Variants in SS18L1 observed in about 807,000 individuals in gnomAD.
The protein encoded by SS18L1 is SS18L1 subunit of BAF chromatin remodeling complex, also known as calcium-responsive transactivator.
Under a neutral mutation model 70.3 loss-of-function variants are expected in SS18L1, and 32 were observed. That is an observed-to-expected ratio of 0.46 (90% CI 0.34 to 0.61). The LOEUF is 0.61. Among genes scored for constraint, SS18L1 ranks in the 20% least tolerant of loss-of-function variants. The pLI, the probability that SS18L1 is intolerant of heterozygous loss-of-function variation, is 0.01. For missense variants in SS18L1, 430 were observed against 542.1 expected (o/e 0.79, Z 2.05); for synonymous variants, 237 against 229.7 (o/e 1.03, Z -0.29).
intron 1 of SS18L1, among the ~76,000 whole-genome samples, chr20:62,152,469 G>A (rs6062088): frequency 0.87 from 132,526 of 152,230 alleles, 57,718 homozygotes; most frequent in African/African-American, 0.91. Flanking sequence ...TTTCCCGGTG[G>A]CGTCTCTGGC....
intron 8 of SS18L1, among the ~76,000 whole-genome samples, chr20:62,168,135 C>G (rs968172201): frequency 6.6e-6 from 1 of 151,854 alleles, no homozygotes; most frequent in African/African-American, 2.4e-5. Context: ...ATAGGTACTT[C>G]CGTAGCTTGT....
chr20:62,179,253 C>A lies in SS18L1; in HGVS notation c.*45C>A, dbSNP rs758189686. On this transcript the variant is annotated 3_prime_UTR_variant, in exon 11 of 11. Transcript: ENST00000331758. ...GAGCCCTTGTGGTAGCGTGTTCATC[C>A]AGGGGCCGGATGGGCTGGCGGCAGC... The A allele has an allele frequency of 3.1e-6, 5 of 1,612,608 alleles. No homozygotes were observed. The South Asian group carries it at 5.5e-5, about 18-fold the overall frequency.
intron 8 of SS18L1, among the ~76,000 whole-genome samples, chr20:62,169,103 G>A (rs879735844): frequency 4.6e-5 from 7 of 152,222 alleles, no homozygotes; most frequent in Admixed American, 1.3e-4. Context: ...CCGCGTTCGC[G>A]TCACAGTGAG....
Position 62,159,326 on chromosome 20 carries a change from C to G in SS18L1, c.147-551C>G, listed in dbSNP as rs2057282942. On this transcript the variant is annotated intron_variant, in intron 2 of 10. Coordinates refer to ENST00000331758, the MANE Select transcript of SS18L1 (RefSeq NM_198935.3). This position sits in a 1 kb window ranked among gnomAD's most constrained non-coding sequence, Gnocchi z 4.4. Reference sequence around the variant, plus strand: ...CTGTCCAAGTGGCCGTCAGACTGACCTGGAGGTGGGAAGTGCGTGAATGGC... The same window carrying G: ...CTGTCCAAGTGGCCGTCAGACTGACGTGGAGGTGGGAAGTGCGTGAATGGC... 6.6e-6 allele frequency among the ~76,000 whole-genome samples: 1 copy of G among 152,222 alleles called. No homozygotes were observed. Among genetic ancestry groups the G allele is most frequent in the African/African-American group, 2.4e-5 (1 of 41,464 alleles).
intron 1 of SS18L1, among the ~76,000 whole-genome samples, chr20:62,144,346 C>T (rs765816418): frequency 1.3e-5 from 2 of 152,208 alleles, no homozygotes; most frequent in Admixed American, 1.3e-4. Context: ...TCGTTTTCTG[C>T]GCTCATTTTG....
Position 62,176,538 on chromosome 20 carries a change from G to A in SS18L1, c.1164+1894G>A, listed in dbSNP as rs1292605178. ...TTAAAAAAAGGAAAAAGAAAGGCCAGGCGTGGGGGCTTACACCTGTAATTC... is the reference window on the plus strand; with the variant it reads ...TTAAAAAAAGGAAAAAGAAAGGCCAAGCGTGGGGGCTTACACCTGTAATTC... On this transcript the variant is annotated intron_variant, in intron 10 of 10. Transcript: ENST00000331758. Among the ~76,000 whole-genome samples, 5 of 152,132 alleles carry A rather than the reference G, an allele frequency of 3.3e-5. No homozygotes were observed. In the East Asian group the frequency reaches 9.6e-4, roughly 29 times the overall value.
At chr20:62,157,501 C>T (rs944934130) in intron 1 of SS18L1, among the ~76,000 whole-genome samples, 5 of 152,220 alleles carry the variant, frequency 3.3e-5, no homozygotes, top group Non-Finnish European at 5.9e-5. Flanking sequence ...GCAGACCGTG[C>T]TTGGCGGAGT....
At chr20:62,155,539 C>T (rs914734659) in intron 1 of SS18L1, among the ~76,000 whole-genome samples, 8 of 152,168 alleles carry the variant, frequency 5.3e-5, no homozygotes, top group Admixed American at 3.3e-4. Context: ...GTGGCTTCTG[C>T]GGATTGGAGG....
In SS18L1 at chr20:62,178,405, G is replaced by A. The variant is rs567675667; in HGVS notation, c.1165-777G>A. 5.2e-4 allele frequency among the ~76,000 whole-genome samples: 78 copies of A among 150,424 alleles called. 1 individual carries two copies. The highest frequency in any genetic ancestry group is 7.4e-4 in the Non-Finnish European group (50 of 67,552). ...TGACCTCAAATGATCCACCCACCTCGGCCTCCCAAAGTGCTGGGATTGCAG... is the reference window on the plus strand; with the variant it reads ...TGACCTCAAATGATCCACCCACCTCAGCCTCCCAAAGTGCTGGGATTGCAG... On this transcript the variant is annotated intron_variant, in intron 10 of 10. Coordinates refer to ENST00000331758, the MANE Select transcript of SS18L1 (RefSeq NM_198935.3).
chr20:62,145,383 G>T (rs767223482), intron 1 of SS18L1, among the ~76,000 whole-genome samples: 3 of 152,132 alleles, frequency 2.0e-5, no homozygotes, highest in Non-Finnish European at 4.4e-5. Flanking sequence ...GTGGCTCCAG[G>T]GTCTGCTCTG....
Position 62,161,674 on chromosome 20 carries a change from C to T in SS18L1, c.376+94C>T. 1 of 1,488,996 alleles carries T rather than the reference C, an allele frequency of 6.7e-7. No homozygotes were observed. Among genetic ancestry groups the T allele is most frequent in the Non-Finnish European group, 9.0e-7 (1 of 1,109,852 alleles). 92.2% of individuals were successfully genotyped at this position (1,488,996 alleles called of 1,614,324 possible). On this transcript the variant is annotated intron_variant, in intron 4 of 10. Transcript: ENST00000331758. The surrounding 1 kb of genome is among the most constrained non-coding windows in gnomAD (Gnocchi z 4.4). ...TGCCATGGTGGGGCACCCCACCCCT[C>T]ACAGGGCTGGGCATGGGACCCACTC... is the stretch of plus-strand genomic sequence containing the variant.
In SS18L1 at chr20:62,143,776, G is replaced by A. The variant is rs762220227; in HGVS notation, c.-45G>A. On this transcript the variant is annotated 5_prime_UTR_variant, in exon 1 of 11. Coordinates refer to ENST00000331758, the MANE Select transcript of SS18L1 (RefSeq NM_198935.3). ...CGCCTCGGGCCGCCCAGCGCAGCCG[G>A]AGTATCCACCTCGATGACCACGGGC... 13 of 1,325,730 alleles carry A rather than the reference G, an allele frequency of 9.8e-6. No homozygotes were observed. The South Asian group carries it at 1.7e-4, about 18-fold the overall frequency. 82.1% of individuals were successfully genotyped at this position (1,325,730 alleles called of 1,614,324 possible). A position where few individuals can be genotyped will look rare whatever the true frequency, so the allele number is the denominator to read the frequency against.
chr20:62,148,935 C>T (rs532504497), intron 1 of SS18L1, among the ~76,000 whole-genome samples: 4 of 152,356 alleles, frequency 2.6e-5, no homozygotes, highest in Admixed American at 6.5e-5. Context: ...ATCCAGTCGC[C>T]GGGTGTGGAG....
chr20:62,151,531 G>C (rs1036746557), intron 1 of SS18L1, among the ~76,000 whole-genome samples: 1 of 152,182 alleles, frequency 6.6e-6, no homozygotes, highest in African/African-American at 2.4e-5. Context: ...GGGTGACCAC[G>C]CAGAGAGGGA....
intron 4 of SS18L1, chr20:62,162,547 A>G (rs1181539647): frequency 1.8e-6 from 1 of 542,274 alleles, no homozygotes; most frequent in South Asian, 2.6e-5. Context: ...CAGGTGATCC[A>G]CCCACCTCGG....
chr20:62,175,220 T>G, intron 10 of SS18L1: 1 of 983,768 alleles, frequency 1.0e-6, no homozygotes, highest in Non-Finnish European at 1.2e-6. Context: ...AGCAGGGCTT[T>G]GAAGGAGCTG....
At chr20:62,167,542 C>T (rs1384487366) in intron 8 of SS18L1, among the ~76,000 whole-genome samples, 2 of 152,016 alleles carry the variant, frequency 1.3e-5, no homozygotes, top group Non-Finnish European at 2.9e-5. Context: ...CCTGGGTGAC[C>T]GAGCCAGACC....
At chr20:62,165,901 G>A (rs1212912357) in intron 8 of SS18L1, among the ~76,000 whole-genome samples, 4 of 152,120 alleles carry the variant, frequency 2.6e-5, no homozygotes, top group Non-Finnish European at 4.4e-5. Context: ...CACTCTCAGA[G>A]CTTCCTCAGC....
intron 8 of SS18L1, among the ~76,000 whole-genome samples, chr20:62,166,956 A>G (rs1244136245): frequency 2.0e-5 from 3 of 150,146 alleles, no homozygotes; most frequent in Non-Finnish European, 3.0e-5. Context: ...AAAAAAAGAA[A>G]TGGCCAGGCA....
Sources: gnomAD v4.1 joint callset for allele counts (sites outside exome capture counted in the v4.1 genomes callset) on GRCh38, gnomAD v4.1.1 for gene constraint, Gnocchi (gnomAD v3.1) non-coding constraint, MANE v1.5 for transcripts, NCBI Gene and HGNC (gene_info 2026-07-23, HGNC 2026-07-21) for gene names.